Variants in ENO1 observed in about 807,000 individuals in gnomAD.
The protein encoded by ENO1 is alpha-enolase.
ENO1 carries 33 observed loss-of-function variants against 46.3 expected under a neutral mutation model. That is an observed-to-expected ratio of 0.71 (90% confidence interval 0.54 to 0.95). The LOEUF is 0.95. ENO1 is among the 40% of genes least tolerant of loss of function. The pLI is 0.00. For missense variants in ENO1, 488 were observed against 553.3 expected, an observed-to-expected ratio of 0.88 and a Z score of 1.18; for synonymous variants, 220 against 216.0, an observed-to-expected ratio of 1.02 and a Z score of -0.16.
At chr1:8,871,602 T>C (rs561572731) in intron 3 of ENO1, 15 of 1,198,552 alleles carry the variant, frequency 1.3e-5, no homozygotes, top group Middle Eastern at 3.5e-4. Flanking sequence ...CATGCTTGGG[T>C]TCCTGTCCTA....
chr1:8,874,577 C>CAAAAAAAAAAA (rs140269736), intron 2 of ENO1, among the ~76,000 whole-genome samples: 46 of 51,590 alleles, frequency 8.9e-4, no homozygotes, highest in African/African-American at 2.7e-3. Context: ...GACTCCATCT[C>CAAAAAAAAAAA]AAAAAAAAAA....
Position 8,867,641 on chromosome 1 carries a change from C to T in ENO1, c.310+347G>A, listed in dbSNP as rs367570732. Among the ~76,000 whole-genome samples the T allele has an allele frequency of 2.3e-4, 35 of 152,180 alleles. No individual in the cohort carries two copies. In the East Asian group the frequency reaches 6.6e-3, roughly 29 times the overall value. On this transcript the variant is annotated intron_variant, in intron 5 of 11. Transcript: ENST00000234590. ...CAGGATCTTGGCTTACTGCAAGCTC[C>T]GCCCGGGACCATTCTCCTGCTGGGA...
intron 2 of ENO1, 35 bp downstream of exon 2, chr1:8,874,789 G>A (rs752835737): frequency 1.6e-5 from 26 of 1,580,148 alleles, no homozygotes; most frequent in Non-Finnish European, 2.2e-5. Context: ...AAGCACGGTG[G>A]AAGGAACCAT....
chr1:8,861,971 C>A (rs1642415105), intron 11 of ENO1, among the ~76,000 whole-genome samples: 1 of 150,302 alleles, frequency 6.7e-6, no homozygotes, highest in African/African-American at 2.5e-5. Context: ...TATGGTGAAA[C>A]CCCGTCTCTA....
chr1:8,874,839 G>T lies in ENO1; in HGVS notation c.70C>A (p.Leu24Ile), dbSNP rs376026081. The change falls in exon 2 of 12, where the codon CTC becomes ATC. Residue 24 changes from leucine (L) to isoleucine (I), a missense_variant. Coordinates refer to ENST00000234590, the MANE Select transcript of ENO1 (RefSeq NM_001428.5). ...TGGCACATACCTTTTGAGGTGAAGAGATCAACCTCAACAGTGGGATTCCCG... is the reference window on the plus strand; with the variant it reads ...TGGCACATACCTTTTGAGGTGAAGATATCAACCTCAACAGTGGGATTCCCG... ...SRGNPTVEVDLFTSKGLFRAA... is the reference protein window; with the variant it reads ...SRGNPTVEVDIFTSKGLFRAA... The T allele has an allele frequency of 1.6e-5, 26 of 1,613,436 alleles. No homozygotes were observed. The highest frequency in any genetic ancestry group is 3.3e-4 in the Middle Eastern group (2 of 6,042).
At chr1:8,868,632 G>A (rs142572335) in intron 4 of ENO1, among the ~76,000 whole-genome samples, 1 of 152,318 alleles carries the variant, frequency 6.6e-6, no homozygotes, top group East Asian at 1.9e-4. Context: ...CAAAACTGAC[G>A]TACTGAGAAC....
At chr1:8,876,958 T>C (rs1475431672) in intron 1 of ENO1, among the ~76,000 whole-genome samples, 1 of 150,550 alleles carries the variant, frequency 6.6e-6, no homozygotes, top group Non-Finnish European at 1.5e-5. Context: ...CCCGAGTAGG[T>C]GGGATTACAG....
At chr1:8,871,866 AT>A (rs757653473) in intron 3 of ENO1, 24 bp downstream of exon 3, 1 of 1,610,442 alleles carries the variant, frequency 6.2e-7, no homozygotes, top group Non-Finnish European at 8.5e-7. Flanking sequence ...CAGGGAGGCC[AT>A]GGGCTGTGGG....
intron 1 of ENO1, 90 bp from the exon 2 acceptor site, chr1:8,875,007 A>T (rs1642707144): frequency 1.8e-6 from 2 of 1,096,542 alleles, no homozygotes; most frequent in Admixed American, 2.0e-5. Context: ...AGGTTCGTGG[A>T]CTAGAGAGAA....
chr1:8,861,544 G>A (rs1359575369), intron 11 of ENO1, 115 bp from the exon 12 acceptor site: 2 of 1,013,184 alleles, frequency 2.0e-6, no homozygotes, highest in Admixed American at 4.3e-5. Flanking sequence ...CTGGGAAGTT[G>A]AGAACACAGA....
At chr1:8,861,702 C>T (rs907946275) in intron 11 of ENO1, among the ~76,000 whole-genome samples, 5 of 152,024 alleles carry the variant, frequency 3.3e-5, no homozygotes, top group Admixed American at 2.0e-4. Flanking sequence ...CTCCTCTCCC[C>T]GTCAGTGTTG....
At chr1:8,871,779 T>A in intron 3 of ENO1, 112 bp downstream of exon 3, 1 of 1,326,004 alleles carries the variant, frequency 7.5e-7, no homozygotes, top group Non-Finnish European at 1.1e-6. Context: ...ACAGCAGGTT[T>A]ACCTGCCATA....
chr1:8,874,964 GCATTTCCTCACT>G (rs774450852), intron 1 of ENO1, 47 bp from the exon 2 acceptor site: 2 of 1,492,750 alleles, frequency 1.3e-6, no homozygotes, highest in Non-Finnish European at 1.9e-6. Context: ...CCATAATGCT[GCATTTCCTCACT>G]CATTCAAGGA....
At chr1:8,864,795 CCTGGTCTGAATT>C in intron 8 of ENO1, among the ~76,000 whole-genome samples, 1 of 152,294 alleles carries the variant, frequency 6.6e-6, no homozygotes, top group African/African-American at 2.4e-5. Flanking sequence ...AGTCAGATTT[CCTGGTCTGAATT>C]CTTGCCCCAC....
intron 1 of ENO1, chr1:8,878,191 C>T (rs1217322478): frequency 5.6e-6 from 1 of 177,036 alleles, no homozygotes; most frequent in Non-Finnish European, 1.2e-5. Flanking sequence ...GCCGCTAAGT[C>T]TGCGTCTATC....
Position 8,863,282 on chromosome 1 carries a change from C to T in ENO1, c.1129G>A (p.Glu377Lys), listed in dbSNP as rs756099793. The T allele has an allele frequency of 1.9e-6, 3 of 1,614,210 alleles. No homozygotes were observed. The highest frequency in any genetic ancestry group is 1.1e-5 in the South Asian group (1 of 91,088). Residue 377 changes from glutamate to lysine, a missense_variant, in exon 10 of 12, where the codon GAA becomes AAA. Glu to Lys is a moderately conservative substitution (Grantham distance 56). Coordinates refer to ENST00000234590, the MANE Select transcript of ENO1 (RefSeq NM_001428.5). ...ACCAGGTCAGCGATGAAGGTATCTT[C>T]AGTCTCCCCCGAACGATGAGACACC... ...VMVSHRSGETEDTFIADLVVG... is the reference protein window; with the variant it reads ...VMVSHRSGETKDTFIADLVVG...
intron 5 of ENO1, among the ~76,000 whole-genome samples, chr1:8,867,562 TTC>T (rs1642547675): frequency 6.6e-6 from 1 of 151,850 alleles, no homozygotes; most frequent in Non-Finnish European, 1.5e-5. Flanking sequence ...ATTTTTTTTT[TTC>T]TTTTTTTTTG....
chr1:8,870,830 T>C (rs982297574), intron 3 of ENO1: 14 of 1,359,746 alleles, frequency 1.0e-5, no homozygotes, highest in Non-Finnish European at 1.3e-5. Flanking sequence ...GTTACCTGAG[T>C]GCACAGGGCT....
At chr1:8,865,049 T>G (rs1642481007) in intron 8 of ENO1, among the ~76,000 whole-genome samples, 1 of 152,200 alleles carries the variant, frequency 6.6e-6, no homozygotes, top group African/African-American at 2.4e-5. Context: ...TGTGAACAAC[T>G]TATTATGCAA....
Sources: allele counts gnomAD v4.1 joint callset (sites outside exome capture counted in the v4.1 genomes callset), GRCh38; gene constraint gnomAD v4.1.1; transcripts MANE v1.5; gene names NCBI Gene and HGNC (gene_info 2026-07-23, HGNC 2026-07-21).